The following TMEM117 variants were observed in gnomAD, a reference collection of about 807,000 sequenced individuals.
TMEM117 encodes transmembrane protein 117.
A neutral mutation model predicts 52.4 loss-of-function variants in TMEM117; 27 were observed. That is an observed-to-expected ratio of 0.51 (90% CI 0.38 to 0.71). The LOEUF (loss-of-function observed/expected upper bound fraction) is 0.71, where lower values mean the gene tolerates loss of function less well. Among genes scored for constraint, TMEM117 ranks in the 30% least tolerant of loss-of-function variants. The probability of loss-of-function intolerance (pLI) is 0.00; values close to 1 mark genes in which losing one functional copy is unlikely to be tolerated. For synonymous variants in TMEM117, 215 were observed against 206.3 expected (o/e 1.04, Z -0.36); for missense variants, 556 against 630.5 (o/e 0.88, Z 1.26).
chr12:44,187,509 C>T (rs1273247220), intron 4 of TMEM117, among the ~76,000 whole-genome samples: 1 of 152,048 alleles, frequency 6.6e-6, no homozygotes, highest in Non-Finnish European at 1.5e-5. Flanking sequence ...ATGCTTAGCA[C>T]TCAGTAATGT....
the TMEM117 span, chr12:43,800,328 A>G: frequency 5.4e-6 from 4 of 743,316 alleles, no homozygotes; most frequent in African/African-American, 1.8e-5. Context: ...TCTTATTCTC[A>G]TGTTTTCAGA....
the TMEM117 span, among the ~76,000 whole-genome samples, chr12:43,796,500 C>T: frequency 2.6e-5 from 4 of 152,082 alleles, no homozygotes; most frequent in Non-Finnish European, 5.9e-5. Flanking sequence ...TTATTCCTTC[C>T]TTCCCCCAAA....
intron 3 of TMEM117, among the ~76,000 whole-genome samples, chr12:44,001,202 A>G (rs1310756519): frequency 6.6e-6 from 1 of 152,202 alleles, no homozygotes; most frequent in Non-Finnish European, 1.5e-5. Context: ...GGATGAAAAT[A>G]AGGTACATAT....
chr12:43,798,508 T>A, the TMEM117 span: 1 of 1,446,268 alleles, frequency 6.9e-7, no homozygotes, highest in South Asian at 1.4e-5. Context: ...ATGGAGATTC[T>A]ACAGCATAAA....
intron 2 of TMEM117, among the ~76,000 whole-genome samples, chr12:43,938,474 A>T (rs964335339): frequency 1.3e-5 from 2 of 151,906 alleles, no homozygotes; most frequent in Admixed American, 6.6e-5. Flanking sequence ...TGTTATGGTC[A>T]TCTTGGGACA....
intron 3 of TMEM117, among the ~76,000 whole-genome samples, chr12:44,087,035 A>G (rs1592504213): frequency 6.8e-6 from 1 of 146,292 alleles, no homozygotes; most frequent in Admixed American, 6.8e-5. Flanking sequence ...TATAAATTAT[A>G]TAATTATAAA....
At chr12:44,151,930 ATATAT>A (rs550732780) in intron 4 of TMEM117, among the ~76,000 whole-genome samples, 1,434 of 128,360 alleles carry the variant, frequency 0.011, 21 homozygotes, top group South Asian at 0.05. Context: ...TATAAACATT[ATATAT>A]TATATTATAT....
intron 5 of TMEM117, among the ~76,000 whole-genome samples, chr12:44,278,890 C>T (rs897333095): frequency 3.9e-5 from 6 of 152,128 alleles, no homozygotes; most frequent in Admixed American, 2.6e-4. Flanking sequence ...ATCACATGAT[C>T]CTTTCTCTTG....
At chr12:44,074,217 A>G (rs1156974794) in intron 3 of TMEM117, among the ~76,000 whole-genome samples, 1 of 152,218 alleles carries the variant, frequency 6.6e-6, no homozygotes, top group Non-Finnish European at 1.5e-5. Flanking sequence ...CAAGGTAATC[A>G]TACAATTTTT....
At chr12:43,845,506 A>G (rs1037068725) in intron 2 of TMEM117, among the ~76,000 whole-genome samples, 5 of 150,964 alleles carry the variant, frequency 3.3e-5, no homozygotes, top group Non-Finnish European at 7.4e-5. Context: ...TAAAATGAAT[A>G]TATACCTAGT....
At chr12:44,091,911 T>C (rs558541930) in intron 3 of TMEM117, among the ~76,000 whole-genome samples, 1 of 152,328 alleles carries the variant, frequency 6.6e-6, no homozygotes, top group South Asian at 2.1e-4. Flanking sequence ...TATTTGGATA[T>C]GTTAGCTGTT....
intron 5 of TMEM117, chr12:44,244,578 C>A (rs893930809): frequency 2.6e-5 from 4 of 151,580 alleles, no homozygotes; most frequent in Non-Finnish European, 5.9e-5. Context: ...AGTTTGAGTT[C>A]TTTATATACT....
At chr12:44,367,334 G>A (rs1472739861) in intron 6 of TMEM117, among the ~76,000 whole-genome samples, 1 of 151,982 alleles carries the variant, frequency 6.6e-6, no homozygotes, top group Non-Finnish European at 1.5e-5. Context: ...CCCCCATATT[G>A]CCAAATCTGA....
intron 6 of TMEM117, among the ~76,000 whole-genome samples, chr12:44,363,684 A>C (rs1397529006): frequency 6.6e-6 from 1 of 152,212 alleles, no homozygotes. Context: ...TTTACATTAA[A>C]ACACCCAAAT....
chr12:44,047,460 C>G (rs1946897695), intron 3 of TMEM117, among the ~76,000 whole-genome samples: 1 of 152,168 alleles, frequency 6.6e-6, no homozygotes. Context: ...TTTTTGACCA[C>G]ACAGATCCTG....
intron 5 of TMEM117, among the ~76,000 whole-genome samples, chr12:44,213,645 G>A (rs945518699): frequency 2.8e-4 from 42 of 152,216 alleles, no homozygotes; most frequent in African/African-American, 8.4e-4. Context: ...TCATGGGGGC[G>A]GTCACCCCCT....
intron 3 of TMEM117, among the ~76,000 whole-genome samples, chr12:44,091,123 C>A (rs1380024501): frequency 6.6e-6 from 1 of 151,948 alleles, no homozygotes; most frequent in Non-Finnish European, 1.5e-5. Flanking sequence ...AGGTGAAAGG[C>A]ACTTCTTACA....
intron 5 of TMEM117, among the ~76,000 whole-genome samples, chr12:44,238,476 A>G (rs536561760): frequency 1.4e-4 from 21 of 152,198 alleles, no homozygotes; most frequent in African/African-American, 5.1e-4. Context: ...AAAAAACTCA[A>G]CCTACCTGGG....
At chr12:44,199,814 A>G (rs1169482249) in intron 4 of TMEM117, among the ~76,000 whole-genome samples, 4 of 152,076 alleles carry the variant, frequency 2.6e-5, no homozygotes, top group African/African-American at 9.7e-5. Flanking sequence ...TACCTACTAA[A>G]TGCTGTTAAA....
Sources: allele counts gnomAD v4.1 joint callset (sites outside exome capture counted in the v4.1 genomes callset), GRCh38; gene constraint gnomAD v4.1.1; transcripts MANE v1.5; gene names NCBI Gene and HGNC (gene_info 2026-07-23, HGNC 2026-07-21).